Variants in WDR70 observed in about 807,000 individuals in gnomAD.
WDR70 encodes the protein WD repeat-containing protein 70.
WDR70 carries 53 observed loss-of-function variants against 88.6 expected under a neutral mutation model. The ratio of observed to expected loss-of-function variants is 0.60; its 90% CI spans 0.48 to 0.75. WDR70 has a LOEUF of 0.75. Ranked by LOEUF, WDR70 falls within the 30% of genes least tolerant of loss-of-function variation. WDR70 has a pLI of 0.00. For missense variants in WDR70, 610 were observed against 823.2 expected, an observed-to-expected ratio of 0.74 and a Z score of 3.17; for synonymous variants, 280 against 270.0, an observed-to-expected ratio of 1.04 and a Z score of -0.36.
intron 9 of WDR70, among the ~76,000 whole-genome samples, chr5:37,519,702 C>T (rs984572714): frequency 5.3e-5 from 8 of 152,128 alleles, no homozygotes; most frequent in African/African-American, 1.2e-4. Context: ...CGGGCAGAGG[C>T]GCTCCTCACC....
At chr5:37,486,260 C>A (rs1309287359) in intron 8 of WDR70, among the ~76,000 whole-genome samples, 2 of 152,160 alleles carry the variant, frequency 1.3e-5, no homozygotes, top group African/African-American at 4.8e-5. Context: ...GCCTCTCAAA[C>A]CCTCATAAGG....
At chr5:37,685,475 T>C (rs566647751) in intron 10 of WDR70, among the ~76,000 whole-genome samples, 1 of 152,156 alleles carries the variant, frequency 6.6e-6, no homozygotes, top group East Asian at 1.9e-4. Context: ...GAGGCTGCAC[T>C]GCAAGCAGAC....
chr5:37,644,912 T>C (rs868555272), intron 10 of WDR70, among the ~76,000 whole-genome samples: 3 of 152,092 alleles, frequency 2.0e-5, no homozygotes, highest in Middle Eastern at 3.4e-3. Context: ...TTGGTCAGTT[T>C]TGTTTATCTG....
chr5:37,678,837 G>C (rs1213492261), intron 10 of WDR70, among the ~76,000 whole-genome samples: 2 of 151,640 alleles, frequency 1.3e-5, no homozygotes, highest in Non-Finnish European at 2.9e-5. Flanking sequence ...TTTCCAACTT[G>C]GTTCCATTCT....
chr5:37,431,262 A>G (rs1408025688), intron 5 of WDR70, among the ~76,000 whole-genome samples: 1 of 152,228 alleles, frequency 6.6e-6, no homozygotes, highest in East Asian at 1.9e-4. Context: ...TCAGTACTCA[A>G]TAAATATTTA....
intron 10 of WDR70, among the ~76,000 whole-genome samples, chr5:37,670,422 G>A (rs1489246117): frequency 6.6e-6 from 1 of 152,144 alleles, no homozygotes; most frequent in Non-Finnish European, 1.5e-5. Context: ...GCCAAAGCAA[G>A]TCGCGTGTCC....
At chr5:37,723,746 T>G (rs551317698) in intron 15 of WDR70, 69 of 152,148 alleles carry the variant, frequency 4.5e-4, no homozygotes, top group African/African-American at 1.6e-3. Context: ...TTTGCAAGAG[T>G]AGAAGTGTTA....
chr5:37,498,506 T>G (rs1000586361), intron 8 of WDR70, among the ~76,000 whole-genome samples: 2 of 152,204 alleles, frequency 1.3e-5, no homozygotes, highest in African/African-American at 4.8e-5. Flanking sequence ...ACATACAAAT[T>G]TACAGATTTT....
intron 8 of WDR70, among the ~76,000 whole-genome samples, chr5:37,497,526 T>C (rs12332413): frequency 0.035 from 5,151 of 145,492 alleles, 316 homozygotes; most frequent in African/African-American, 0.12. Flanking sequence ...TCCCTTCCCT[T>C]CCCTCTTCCC....
At chr5:37,421,173 T>G (rs886510744) in intron 5 of WDR70, among the ~76,000 whole-genome samples, 1 of 152,120 alleles carries the variant, frequency 6.6e-6, no homozygotes, top group Admixed American at 6.6e-5. Flanking sequence ...GGTTTCAAAT[T>G]TAGGGAAGCT....
chr5:37,627,519 G>GT (rs1186818347), intron 10 of WDR70, among the ~76,000 whole-genome samples: 3 of 151,832 alleles, frequency 2.0e-5, no homozygotes, highest in South Asian at 2.1e-4. Context: ...GCATTGTTAG[G>GT]TTTTTTATTT....
Position 37,560,192 on chromosome 5 carries a change from A to G in WDR70, c.917+43602A>G, listed in dbSNP as rs576691719. 3.7e-4 allele frequency among the ~76,000 whole-genome samples: 56 copies of G among 152,322 alleles called. 1 individual carries two copies. The highest frequency in any genetic ancestry group is 3.6e-3 in the Admixed American group (55 of 15,310). ...TTTCTATAATTCAAGAGAGAGAGAT[A>G]GACACTACTTTTTTTAATGTAAATA... is the stretch of plus-strand genomic sequence containing the variant. On this transcript the variant is annotated intron_variant, in intron 9 of 17. Coordinates refer to ENST00000265107, the MANE Select transcript of WDR70 (RefSeq NM_018034.4).
intron 7 of WDR70, among the ~76,000 whole-genome samples, chr5:37,464,340 T>C (rs1234995743): frequency 6.6e-6 from 1 of 152,190 alleles, no homozygotes; most frequent in African/African-American, 2.4e-5. Flanking sequence ...ATATATAAAA[T>C]AACAAATTAG....
At chr5:37,715,575 A>G (rs1400703045) in intron 13 of WDR70, among the ~76,000 whole-genome samples, 2 of 152,174 alleles carry the variant, frequency 1.3e-5, no homozygotes, top group Non-Finnish European at 2.9e-5. Flanking sequence ...TGCTTCCTGA[A>G]CTTCAGAGGG....
intron 8 of WDR70, among the ~76,000 whole-genome samples, chr5:37,493,419 A>C (rs1054137125): frequency 1.3e-5 from 2 of 152,234 alleles, no homozygotes; most frequent in African/African-American, 4.8e-5. Flanking sequence ...TAGGGTCTAG[A>C]AAGCTAAGAG....
At chr5:37,620,243 G>A (rs976647337) in intron 10 of WDR70, among the ~76,000 whole-genome samples, 2 of 149,342 alleles carry the variant, frequency 1.3e-5, no homozygotes, top group East Asian at 2.0e-4. Context: ...TCATTGAGTG[G>A]TGTTTTCACT....
chr5:37,396,519 T>C lies in WDR70; in HGVS notation c.441T>C (p.Asn147=). 2.5e-6 allele frequency: 4 copies of C among 1,613,156 alleles called. No homozygotes were observed. Among genetic ancestry groups the C allele is most frequent in the Non-Finnish European group, 3.4e-6 (4 of 1,179,814 alleles). ...TCGGTCCTTTACCTCCACCTCTTAATGAAGAAGAAGAAGAAGCAGAGGAAG... is the reference window on the plus strand; with the variant it reads ...TCGGTCCTTTACCTCCACCTCTTAACGAAGAAGAAGAAGAAGCAGAGGAAG... ...DILGPLPPPL[N]EEEEEAEEEE... The change falls in exon 5 of 18, where the codon AAT becomes AAC. Residue 147 remains asparagine (N), a synonymous_variant. Coordinates refer to ENST00000265107, the MANE Select transcript of WDR70 (RefSeq NM_018034.4).
intron 9 of WDR70, among the ~76,000 whole-genome samples, chr5:37,544,431 G>A (rs1321437013): frequency 6.6e-6 from 1 of 152,154 alleles, no homozygotes; most frequent in East Asian, 1.9e-4. Flanking sequence ...AATACACTTG[G>A]AGAAATGAAG....
intron 9 of WDR70, among the ~76,000 whole-genome samples, chr5:37,521,602 T>C (rs1444418504): frequency 1.3e-5 from 2 of 152,112 alleles, no homozygotes; most frequent in Non-Finnish European, 2.9e-5. Context: ...GGTTTTCCAT[T>C]CCTGAGTTAC....
Sources: allele counts gnomAD v4.1 joint callset (sites outside exome capture counted in the v4.1 genomes callset), GRCh38; gene constraint gnomAD v4.1.1; transcripts MANE v1.5; gene names NCBI Gene and HGNC (gene_info 2026-07-23, HGNC 2026-07-21).